VPS9D1: variants seen among roughly 807,000 people sequenced by gnomAD.
The protein encoded by VPS9D1 is VPS9 domain-containing protein 1.
VPS9D1 carries 78 observed loss-of-function variants against 75.8 expected under a neutral mutation model. The ratio of observed to expected loss-of-function variants is 1.03; its 90% CI spans 0.86 to 1.24. VPS9D1 has a LOEUF of 1.24. Ranked by LOEUF, VPS9D1 falls within the 50% of genes most tolerant of loss-of-function variation. VPS9D1 has a pLI of 0.00. For synonymous variants in VPS9D1, 481 were observed against 385.6 expected, an observed-to-expected ratio of 1.25 and a Z score of -2.90; for missense variants, 1,057 against 847.7, an observed-to-expected ratio of 1.25 and a Z score of -3.07.
At position 89,719,075 on chromosome 16, in the gene VPS9D1, T is replaced by C; in HGVS notation, c.127A>G (p.Ile43Val). The C allele has an allele frequency of 6.2e-7, 1 of 1,613,684 alleles. No individual in the cohort carries two copies. The highest frequency in any genetic ancestry group is 8.5e-7 in the Non-Finnish European group (1 of 1,179,916). ...REAYTEYLRSIHYISQVLLEE... is the reference protein window; with the variant it reads ...REAYTEYLRSVHYISQVLLEE... ...AGTAACACCTGGGAGATATAGTGGA[T>C]GCTCCTCAGGTATTCCGTGTATGCC... Residue 43 changes from isoleucine (I) to valine (V), a missense_variant, in exon 2 of 15, where the codon ATC (isoleucine) becomes GTC (valine). Coordinates refer to ENST00000389386, the MANE Select transcript of VPS9D1 (RefSeq NM_004913.3).
intron 2 of VPS9D1, 142 bp downstream of exon 2, chr16:89,718,885 T>G (rs887218700): frequency 8.9e-6 from 6 of 676,702 alleles, no homozygotes; most frequent in African/African-American, 3.6e-5. Flanking sequence ...AGCTGATTTT[T>G]TAGATTTTTA....
chr16:89,720,686 C>CG, intron 1 of VPS9D1, 77 bp downstream of exon 1: 1 of 1,298,308 alleles, frequency 7.7e-7, no homozygotes, highest in Non-Finnish European at 9.8e-7. Flanking sequence ...GAGCCGGCCC[C>CG]GTCCTCGCCC....
In VPS9D1 at chr16:89,712,715, C is replaced by T. The variant is rs771733618; in HGVS notation, c.433G>A (p.Glu145Lys). The change falls in exon 5 of 15, where the codon GAG becomes AAG. Residue 145 changes from glutamate to lysine, a missense_variant and splice_region_variant. Glu to Lys is a moderately conservative substitution (Grantham distance 56). Coordinates refer to ENST00000389386, the MANE Select transcript of VPS9D1 (RefSeq NM_004913.3). Reference protein sequence around the residue: ...QGAESQSCKKELTPLEEASLQ... With the variant: ...QGAESQSCKKKLTPLEEASLQ... Reference sequence around the variant, plus strand: ...GAGGCCTCCTCCAGTGGCGTCAGCTCTCTGGAAATGTGACAAGCTGCTGTC... The same window carrying T: ...GAGGCCTCCTCCAGTGGCGTCAGCTTTCTGGAAATGTGACAAGCTGCTGTC... 6.3e-6 allele frequency: 10 copies of T among 1,591,756 alleles called. No homozygotes were observed. The Admixed American group carries it at 7.0e-5, about 11-fold the overall frequency.
chr16:89,710,710 G>A lies in VPS9D1; in HGVS notation c.1134C>T (p.Ser378=), dbSNP rs1376544352. The A allele has an allele frequency of 6.2e-7, 1 of 1,605,414 alleles. No homozygotes were observed. Among genetic ancestry groups the A allele is most frequent in the Non-Finnish European group, 8.5e-7 (1 of 1,176,556 alleles). Residue 378 remains serine, a synonymous_variant, in exon 10 of 15, where the codon AGC becomes AGT. Coordinates refer to ENST00000389386, the MANE Select transcript of VPS9D1 (RefSeq NM_004913.3). ...DTASGLPDKD[S]SFEDLEQFLG... ...GGAACTGCTCCAGGTCCTCGAACGA[G>A]CTGTCCTTGTCTGGCAATCCAGATG... is the stretch of plus-strand genomic sequence containing the variant.
rs2060940394 is a variant in VPS9D1 at position 89,711,949 on chromosome 16, G to A, written c.680C>T (p.Ala227Val). The change falls in exon 8 of 15, where the codon GCC becomes GTC. Residue 227 changes from alanine to valine, a missense_variant. By Grantham distance (64) the Ala-to-Val change is moderately conservative. Transcript: ENST00000389386. ...AANRRFCSQVALTPEEREQRA... is the reference protein window; with the variant it reads ...AANRRFCSQVVLTPEEREQRA... The stretch of plus-strand genomic sequence containing the variant: ...CTGCTCCCGTTCCTCCGGGGTCAGG[G>A]CGACTTGGCTGCAAAACCTCCTGGG... 2 of 1,551,280 alleles carry A rather than the reference G, an allele frequency of 1.3e-6. No homozygotes were observed. Among genetic ancestry groups the A allele is most frequent in the Non-Finnish European group, 1.7e-6 (2 of 1,147,006 alleles).
intron 10 of VPS9D1, among the ~76,000 whole-genome samples, chr16:89,710,146 CA>C (rs2060882368): frequency 6.6e-6 from 1 of 152,204 alleles, no homozygotes; most frequent in Non-Finnish European, 1.5e-5. Context: ...ATCCTTTTCT[CA>C]AAAGGGGCTT....
rs1453945433 is a variant in VPS9D1, at chr16:89,708,524, C to T, written c.1705G>A (p.Asp569Asn). 2 of 1,612,836 alleles carry T rather than the reference C, an allele frequency of 1.2e-6. No individual in the cohort carries two copies. Among genetic ancestry groups the T allele is most frequent in the Admixed American group, 1.7e-5 (1 of 59,978 alleles). The stretch of plus-strand genomic sequence containing the variant: ...AAGGACAGGATGGGCAGCAGGTCAT[C>T]GGCACCACTGTCGGGAGGGCATAGC... ...PPIAAAAIGA[D>N]DLLPILSFVV... The change falls in exon 14 of 15, where the codon GAT (aspartate) becomes AAT (asparagine). Residue 569 changes from aspartate (D) to asparagine (N), a missense_variant. Physicochemically the swap from Asp to Asn is conservative, Grantham distance 23. Transcript: ENST00000389386.
intron 1 of VPS9D1, chr16:89,719,423 T>C (rs961830066): frequency 2.0e-6 from 1 of 491,668 alleles, no homozygotes; most frequent in Non-Finnish European, 4.0e-6. Flanking sequence ...TCTCATTCAG[T>C]GGGCCTGGGG....
chr16:89,708,333 C>A lies in VPS9D1; in HGVS notation c.1802+94G>T, dbSNP rs368870665. On this transcript the variant is annotated intron_variant, in intron 14 of 14. Transcript: ENST00000389386. ...GGCTGTGACGGAGCCACACGCTACCCTCCCCAGCTGCTACTGACAACCACC... is the reference window on the plus strand; with the variant it reads ...GGCTGTGACGGAGCCACACGCTACCATCCCCAGCTGCTACTGACAACCACC... The A allele has an allele frequency of 5.6e-6, 7 of 1,259,364 alleles. No individual in the cohort carries two copies. In the East Asian group the frequency reaches 1.8e-4, roughly 32 times the overall value. 78.0% of individuals were successfully genotyped at this position (1,259,364 alleles called of 1,614,324 possible).
Position 89,710,048 on chromosome 16 carries a change from G to A in VPS9D1, c.1259-142C>T, listed in dbSNP as rs116264071. 5.9e-5 allele frequency: 72 copies of A among 1,210,800 alleles called. No homozygotes were observed. In the African/African-American group the frequency reaches 9.7e-4, roughly 16 times the overall value. 75.0% of individuals were successfully genotyped at this position (1,210,800 alleles called of 1,614,324 possible). On this transcript the variant is annotated intron_variant, in intron 10 of 14. Coordinates refer to ENST00000389386, the MANE Select transcript of VPS9D1 (RefSeq NM_004913.3). ...CCTGCACCCACCCCTGACCCTCCTCGGCCCAGGGCAGGGAGTCCGGGACTG... is the reference window on the plus strand; with the variant it reads ...CCTGCACCCACCCCTGACCCTCCTCAGCCCAGGGCAGGGAGTCCGGGACTG...
At position 89,716,635 on chromosome 16, in the gene VPS9D1, T is replaced by C; in HGVS notation, c.269-11A>G. 6.2e-7 allele frequency: 1 copy of C among 1,611,698 alleles called. No individual in the cohort carries two copies. The highest frequency in any genetic ancestry group is 1.3e-5 in the African/African-American group (1 of 74,970). On this transcript the variant is annotated splice_polypyrimidine_tract_variant and intron_variant, in intron 3 of 14. Coordinates refer to ENST00000389386, the MANE Select transcript of VPS9D1 (RefSeq NM_004913.3). ...TCAGGCGTGTTTTCCCTGCAAGCCA[T>C]GGGTAACCAGGGGTCAAGCGGTGGG...
intron 1 of VPS9D1, chr16:89,719,405 A>G: frequency 1.9e-6 from 1 of 521,630 alleles, no homozygotes; most frequent in Non-Finnish European, 3.7e-6. Context: ...CAGCACAGGA[A>G]CTGATATTCT....
At chr16:89,717,790 C>T (rs1019167781) in intron 2 of VPS9D1, 2 of 456,560 alleles carry the variant, frequency 4.4e-6, no homozygotes, top group African/African-American at 4.0e-5. Flanking sequence ...CAGCCGAGCT[C>T]ACCGGCTCCC....
Position 89,708,495 on chromosome 16 carries a change from C to T in VPS9D1, c.1734G>A (p.Val578=). The change falls in exon 14 of 15, where the codon GTG becomes GTA. Residue 578 remains valine, a synonymous_variant. Transcript: ENST00000389386. ...ADDLLPILSF[V]VLRSGLPQLV... ...GCTGAGGGAGGCCGCTCCTCAGCAC[C>T]ACGAAGGACAGGATGGGCAGCAGGT... The T allele has an allele frequency of 6.2e-7, 1 of 1,613,156 alleles. No individual in the cohort carries two copies.
At chr16:89,711,765 C>A in intron 8 of VPS9D1, 117 bp downstream of exon 8, 1 of 1,264,934 alleles carries the variant, frequency 7.9e-7, no homozygotes, top group East Asian at 2.6e-5. Flanking sequence ...GGCCCCGCCC[C>A]CTCACTGCCC....
intron 2 of VPS9D1, chr16:89,718,248 G>C (rs1354907681): frequency 5.4e-6 from 2 of 368,212 alleles, no homozygotes; most frequent in South Asian, 2.0e-5. Context: ...GCACCCCGAG[G>C]CCGTTTACTG....
chr16:89,719,900 G>T (rs2061202065), intron 1 of VPS9D1, among the ~76,000 whole-genome samples: 1 of 152,174 alleles, frequency 6.6e-6, no homozygotes, highest in Non-Finnish European at 1.5e-5. Context: ...TGTATTTTTA[G>T]TAGAGACGGG....
At chr16:89,711,184 C>G (rs74033838) in intron 9 of VPS9D1, 143 bp downstream of exon 9, 1 of 1,157,540 alleles carries the variant, frequency 8.6e-7, no homozygotes, top group African/African-American at 1.6e-5. Context: ...AGGAAACGCC[C>G]TCAGCGCAAA....
At chr16:89,713,679 G>A (rs757564582) in intron 4 of VPS9D1, among the ~76,000 whole-genome samples, 59 of 152,104 alleles carry the variant, frequency 3.9e-4, no homozygotes, top group Middle Eastern at 3.4e-3. Flanking sequence ...GTATGACTTC[G>A]AATGTGGCCC....
Sources: gnomAD v4.1 joint callset for allele counts (sites outside exome capture counted in the v4.1 genomes callset) on GRCh38, gnomAD v4.1.1 for gene constraint, MANE v1.5 for transcripts, NCBI Gene and HGNC (gene_info 2026-07-23, HGNC 2026-07-21) for gene names.